Variants in GLT1D1 observed in about 807,000 individuals in gnomAD.
GLT1D1 encodes the protein glycosyltransferase 1 domain containing 1, also known as glycosyltransferase 1 domain-containing protein 1.
In GLT1D1, 21 loss-of-function variants were observed where a neutral mutation model predicts 28.7. That is an observed-to-expected ratio of 0.73 (90% CI 0.52 to 1.05). The LOEUF (loss-of-function observed/expected upper bound fraction) is 1.05, where lower values mean the gene tolerates loss of function less well. GLT1D1 is among the 50% of genes least tolerant of loss of function. The pLI is 0.00. For synonymous variants in GLT1D1, 147 were observed against 124.8 expected, an observed-to-expected ratio of 1.18 and a Z score of -1.19; for missense variants, 343 against 330.6, an observed-to-expected ratio of 1.04 and a Z score of -0.29.
chr12:128,936,027 A>G (rs1874518652), intron 4 of GLT1D1, among the ~76,000 whole-genome samples: 1 of 152,178 alleles, frequency 6.6e-6, no homozygotes, highest in Non-Finnish European at 1.5e-5. Flanking sequence ...CATCTATAAA[A>G]TGGGGACGAC....
chr12:128,875,927 G>T lies in GLT1D1; in HGVS notation c.82G>T (p.Ala28Ser), dbSNP rs1280360280. ...TTTTTGATAAAGGGCCCATCTAGAG[G>T]CTGCAGGGCACGTGTGCGTTTTGAA... Residue 28 changes from alanine to serine, a missense_variant, in exon 2 of 8, where the codon GCT becomes TCT. Transcript: ENST00000281703. 3 of 1,613,526 alleles carry T rather than the reference G, an allele frequency of 1.9e-6. No individual in the cohort carries two copies. Among genetic ancestry groups the T allele is most frequent in the East Asian group, 4.5e-5 (2 of 44,878 alleles).
chr12:128,863,651 T>C (rs1312218237), intron 1 of GLT1D1, among the ~76,000 whole-genome samples: 7 of 152,222 alleles, frequency 4.6e-5, no homozygotes, highest in Admixed American at 1.3e-4. Flanking sequence ...GTGCTGGGAT[T>C]ACAGGCGTGA....
At chr12:128,901,044 G>A (rs1037192943) in intron 4 of GLT1D1, among the ~76,000 whole-genome samples, 1 of 152,178 alleles carries the variant, frequency 6.6e-6, no homozygotes, top group Non-Finnish European at 1.5e-5. Context: ...CAGGGCCTCC[G>A]CCAAGTCAAG....
chr12:128,951,973 G>A (rs1476244066), intron 6 of GLT1D1, among the ~76,000 whole-genome samples: 1 of 152,170 alleles, frequency 6.6e-6, no homozygotes, highest in African/African-American at 2.4e-5. Flanking sequence ...CCATGGTGTG[G>A]AATCCTCCCC....
At chr12:128,867,179 A>T (rs1050109821) in intron 1 of GLT1D1, among the ~76,000 whole-genome samples, 2 of 151,130 alleles carry the variant, frequency 1.3e-5, no homozygotes, top group African/African-American at 2.4e-5. Context: ...GGATCACCTG[A>T]GGTCAGGAGT....
At chr12:128,882,730 G>A (rs1374668321) in intron 2 of GLT1D1, among the ~76,000 whole-genome samples, 1 of 152,080 alleles carries the variant, frequency 6.6e-6, no homozygotes, top group African/African-American at 2.4e-5. Context: ...ATCGTTTCAA[G>A]TGTGTGTGAA....
At chr12:128,902,186 T>C (rs1167907810) in intron 4 of GLT1D1, among the ~76,000 whole-genome samples, 2 of 151,342 alleles carry the variant, frequency 1.3e-5, no homozygotes. Flanking sequence ...TTAATATAAC[T>C]GAGTATGAAA....
At chr12:128,879,368 AT>A (rs1956949036) in intron 2 of GLT1D1, among the ~76,000 whole-genome samples, 1 of 115,942 alleles carries the variant, frequency 8.6e-6, no homozygotes. Context: ...GATACTTATT[AT>A]TTTTTTCTTT....
rs1328577996 is a variant in GLT1D1, at chr12:128,888,714, C to G, written c.293C>G (p.Thr98Arg). 15 of 1,612,362 alleles carry G rather than the reference C, an allele frequency of 9.3e-6. No individual in the cohort carries two copies. In the South Asian group the frequency reaches 1.4e-4, roughly 15 times the overall value. The change falls in exon 3 of 8, where the codon ACA becomes AGA. Residue 98 changes from threonine (T) to arginine (R), a missense_variant. Thr to Arg is a moderately conservative substitution (Grantham distance 71, BLOSUM62 -1). Transcript: ENST00000281703. Reference sequence around the variant, plus strand: ...GATGCCAACCAGGCGGAAAAAAACACAGTCATGGGCAGAGTTCTTGAGGAA... The same window carrying G: ...GATGCCAACCAGGCGGAAAAAAACAGAGTCATGGGCAGAGTTCTTGAGGAA...
At chr12:128,958,748 CAAAAAAAAAAAAAA>C (rs71072431) in intron 7 of GLT1D1, among the ~76,000 whole-genome samples, 1 of 42,666 alleles carries the variant, frequency 2.3e-5, no homozygotes, top group Non-Finnish European at 3.8e-5. Flanking sequence ...GACTCTGCCT[CAAAAAAAAAAAAAA>C]AAAAAAAAAA....
At chr12:128,944,540 A>C in intron 4 of GLT1D1, 1 of 814,522 alleles carries the variant, frequency 1.2e-6, no homozygotes, top group Non-Finnish European at 2.2e-6. Context: ...CCAATGTTGT[A>C]GACTTGGCCA....
intron 1 of GLT1D1, among the ~76,000 whole-genome samples, chr12:128,874,439 C>T (rs181479168): frequency 1.7e-4 from 26 of 150,730 alleles, no homozygotes; most frequent in South Asian, 8.4e-4. Context: ...GCCTCAGCCT[C>T]CCAGAGTGCT....
intron 7 of GLT1D1, among the ~76,000 whole-genome samples, chr12:128,969,523 T>G (rs912752719): frequency 6.6e-6 from 1 of 152,062 alleles, no homozygotes; most frequent in East Asian, 1.9e-4. Context: ...CCGAGCTGAG[T>G]GTGCACTGAG....
chr12:128,908,715 C>T (rs953421354), intron 4 of GLT1D1, among the ~76,000 whole-genome samples: 3 of 151,774 alleles, frequency 2.0e-5, no homozygotes, highest in South Asian at 2.1e-4. Flanking sequence ...TTTGGGAGGC[C>T]GAGGAGGGCG....
chr12:128,912,424 C>A, intron 4 of GLT1D1: 1 of 1,524,926 alleles, frequency 6.6e-7, no homozygotes, highest in South Asian at 1.2e-5. Context: ...CTTTCAAAAG[C>A]CGCATGCTAA....
At position 128,927,060 on chromosome 12, in the gene GLT1D1, T is replaced by C. The variant is rs770047789; in HGVS notation, c.376-18266T>C. On this transcript the variant is annotated intron_variant, in intron 4 of 7. Transcript: ENST00000281703. ...GTTAGTTGTGCTTGCAGCTGTGACTTAAACCCATTTGAAGTGTTTTTTTGT... is the reference window on the plus strand; with the variant it reads ...GTTAGTTGTGCTTGCAGCTGTGACTCAAACCCATTTGAAGTGTTTTTTTGT... 26 of 1,435,682 alleles carry C rather than the reference T, an allele frequency of 1.8e-5. No homozygotes were observed. The Middle Eastern group carries it at 2.9e-3, about 161-fold the overall frequency. The allele number at this position is 1,435,682 out of a possible 1,614,324, so 88.9% of individuals were successfully genotyped here. A position where few individuals can be genotyped will look rare whatever the true frequency, so the allele number is the denominator to read the frequency against.
intron 4 of GLT1D1, among the ~76,000 whole-genome samples, chr12:128,918,524 A>G (rs1203739482): frequency 6.6e-6 from 1 of 152,198 alleles, no homozygotes; most frequent in African/African-American, 2.4e-5. Flanking sequence ...AGCCTCTACC[A>G]CATACTCTAT....
At chr12:128,856,188 G>A (rs944499677) in intron 1 of GLT1D1, among the ~76,000 whole-genome samples, 12 of 152,164 alleles carry the variant, frequency 7.9e-5, no homozygotes. Flanking sequence ...GGTGCCGATG[G>A]GAGTGTAGCA....
At chr12:128,967,703 G>A (rs1228834665) in intron 7 of GLT1D1, among the ~76,000 whole-genome samples, 2 of 152,204 alleles carry the variant, frequency 1.3e-5, no homozygotes, top group African/African-American at 4.8e-5. Context: ...CTCTTACTTC[G>A]AGTTACGTTC....
Sources: allele counts gnomAD v4.1 joint callset (sites outside exome capture counted in the v4.1 genomes callset), GRCh38; gene constraint gnomAD v4.1.1; transcripts MANE v1.5; gene names NCBI Gene and HGNC (gene_info 2026-07-23, HGNC 2026-07-21).